USP37: variants seen among roughly 807,000 people sequenced by gnomAD.
USP37 encodes ubiquitin specific peptidase 37.
USP37 carries 27 observed loss-of-function variants against 124.0 expected under a neutral mutation model. That is an observed-to-expected ratio of 0.22 (90% CI 0.16 to 0.30). The LOEUF (loss-of-function observed/expected upper bound fraction) is 0.30. USP37 is among the 10% of genes least tolerant of loss of function. The pLI is 1.00. For synonymous variants in USP37, 365 were observed against 388.0 expected (o/e 0.94, Z 0.70); for missense variants, 889 against 1,140.4 (o/e 0.78, Z 3.17).
At position 218,556,503 on chromosome 2, in the gene USP37, G is replaced by GTTTTTTTTT. The variant is rs34907421; in HGVS notation, c.156+1986_156+1994dup. Among the ~76,000 whole-genome samples the GTTTTTTTTT allele has an allele frequency of 4.4e-3, 239 of 53,844 alleles. 17 individuals carry two copies. Among genetic ancestry groups the GTTTTTTTTT allele is most frequent in the Non-Finnish European group, 5.5e-3 (151 of 27,418 alleles). 35.3% of individuals were successfully genotyped at this position (53,844 alleles called of 152,430 possible). A position where few individuals can be genotyped will look rare whatever the true frequency, so the allele number is the denominator to read the frequency against. Reference sequence around the variant, plus strand: ...GTATTTGGTTACTCTGGGTTTTTCTGTTTTTTTTTTTTTTTTTTTTTTTTT... The same window carrying GTTTTTTTTT: ...GTATTTGGTTACTCTGGGTTTTTCTGTTTTTTTTTTTTTTTTTTTTTTTTTTTTTTTTTT... On this transcript the variant is annotated intron_variant, in intron 4 of 25. Transcript: ENST00000258399.
chr2:218,541,578 C>A (rs1025031195), intron 8 of USP37, among the ~76,000 whole-genome samples: 3 of 152,034 alleles, frequency 2.0e-5, no homozygotes, highest in Admixed American at 6.6e-5. Context: ...TCAAGATGAG[C>A]AGAAGTGTTA....
At chr2:218,463,787 G>A (rs376698967) in intron 21 of USP37, among the ~76,000 whole-genome samples, 6 of 150,276 alleles carry the variant, frequency 4.0e-5, no homozygotes, top group East Asian at 3.9e-4. Context: ...CGCCCACCTC[G>A]GCTTCCCAAA....
chr2:218,536,800 A>G (rs1389185079), intron 8 of USP37, among the ~76,000 whole-genome samples: 1 of 152,192 alleles, frequency 6.6e-6, no homozygotes, highest in Non-Finnish European at 1.5e-5. Context: ...CACTCTAAGG[A>G]TAGGATTCTG....
In USP37 at chr2:218,558,444, T is replaced by A. The variant is rs1408175876; in HGVS notation, c.156+54A>T. On this transcript the variant is annotated intron_variant, in intron 4 of 25. Transcript: ENST00000258399. ...GATGTTTACTATGGCACAGAATAGC[T>A]ATTTACTAAATGATCTGCTTCAAGA... 11 of 1,539,430 alleles carry A rather than the reference T, an allele frequency of 7.1e-6. No individual in the cohort carries two copies. In the African/African-American group the frequency reaches 1.5e-4, roughly 21 times the overall value.
chr2:218,548,754 AT>A (rs1430096003), intron 6 of USP37, among the ~76,000 whole-genome samples: 1 of 152,130 alleles, frequency 6.6e-6, no homozygotes, highest in Non-Finnish European at 1.5e-5. Flanking sequence ...ATTCTCTATT[AT>A]TTTCTATTCT....
intron 20 of USP37, among the ~76,000 whole-genome samples, chr2:218,472,468 C>CT (rs1030968759): frequency 2.0e-3 from 287 of 141,234 alleles, no homozygotes; most frequent in Middle Eastern, 7.4e-3. Flanking sequence ...ATCTCTCTCT[C>CT]TTTTTTTTTT....
At chr2:218,458,882 C>T (rs1310073339) in intron 23 of USP37, among the ~76,000 whole-genome samples, 6 of 152,038 alleles carry the variant, frequency 3.9e-5, no homozygotes, top group Non-Finnish European at 1.5e-5. Context: ...GCCTGGGCAA[C>T]ACAGTGAGAC....
chr2:218,472,221 G>A (rs370347940), intron 20 of USP37, among the ~76,000 whole-genome samples: 16 of 151,910 alleles, frequency 1.1e-4, no homozygotes, highest in Admixed American at 2.6e-4. Flanking sequence ...GTTTAATCAC[G>A]AACTTGGCAC....
At chr2:218,502,973 A>C (rs1175679916) in intron 11 of USP37, among the ~76,000 whole-genome samples, 1 of 152,232 alleles carries the variant, frequency 6.6e-6, no homozygotes, top group Non-Finnish European at 1.5e-5. Context: ...GAAATTATAC[A>C]AAAAAGAAGA....
chr2:218,547,057 T>G lies in USP37; in HGVS notation c.464A>C (p.Asp155Ala). ...AAGAACTTTTCGAAATGGAATATCA[T>G]CTTTAGTTTCCAAACTTCCTCTTTT... ...SAKRGSLETK[D>A]DIPFRKVLGN... is the part of the protein sequence containing the mutation. The change falls in exon 7 of 26, where the codon GAT becomes GCT. Residue 155 changes from aspartate (D) to alanine (A), a missense_variant. This residue lies in a region of USP37 where 374 missense variants were observed against 386.0 expected (regional missense o/e 0.97). Coordinates refer to ENST00000258399, the MANE Select transcript of USP37 (RefSeq NM_020935.3). 1.2e-6 allele frequency: 2 copies of G among 1,603,728 alleles called. No individual in the cohort carries two copies. Among genetic ancestry groups the G allele is most frequent in the Non-Finnish European group, 8.5e-7 (1 of 1,177,712 alleles).
Position 218,476,011 on chromosome 2 carries a change from C to T in USP37, c.2043+829G>A, listed in dbSNP as rs184040141. Among the ~76,000 whole-genome samples, 489 of 151,610 alleles carry T rather than the reference C, an allele frequency of 3.2e-3. 1 individual carries two copies. The highest frequency in any genetic ancestry group is 0.011 in the African/African-American group (471 of 41,390). On this transcript the variant is annotated intron_variant, in intron 19 of 25. Coordinates refer to ENST00000258399, the MANE Select transcript of USP37 (RefSeq NM_020935.3). ...TCACACATTTCTCATTCAAGTTGAA[C>T]AACCACAAACTACCTCTGGCTTTAA...
chr2:218,488,910 C>T (rs1442139205), intron 14 of USP37, among the ~76,000 whole-genome samples: 1 of 152,098 alleles, frequency 6.6e-6, no homozygotes, highest in Non-Finnish European at 1.5e-5. Flanking sequence ...ACTGGGATTA[C>T]AGGCGTGAGC....
In USP37 at chr2:218,485,650, A is replaced by T; in HGVS notation, c.1670+14T>A. On this transcript the variant is annotated intron_variant, in intron 16 of 25. Coordinates refer to ENST00000258399, the MANE Select transcript of USP37 (RefSeq NM_020935.3). ...TAGTCCATAGCAAAAAAAAAAAAAA[A>T]AAAAAAAAATTACCTAGGAAGCCTG... The T allele has an allele frequency of 1.3e-6, 2 of 1,569,746 alleles. No individual in the cohort carries two copies. The highest frequency in any genetic ancestry group is 2.4e-5 in the South Asian group (2 of 82,390).
rs576607644 is a variant in USP37 at position 218,530,112 on chromosome 2, T to C, written c.779-72A>G. ...ATTCAAGTTCATTTAATAATAAAAG[T>C]ATACATTAGTCCTGATTATATTTAA... On this transcript the variant is annotated intron_variant, in intron 9 of 25. Transcript: ENST00000258399. The C allele has an allele frequency of 2.5e-4, 279 of 1,136,702 alleles. 1 individual carries two copies. The highest frequency in any genetic ancestry group is 3.3e-4 in the Non-Finnish European group (258 of 783,790). The allele number at this position is 1,136,702 out of a possible 1,614,324, so 70.4% of individuals were successfully genotyped here.
chr2:218,525,403 G>A (rs562543634), intron 10 of USP37, among the ~76,000 whole-genome samples: 7 of 152,324 alleles, frequency 4.6e-5, no homozygotes, highest in Admixed American at 1.3e-4. Context: ...AGGATCACCT[G>A]AGCCCAGGAG....
intron 9 of USP37, among the ~76,000 whole-genome samples, chr2:218,533,128 T>C (rs954809181): frequency 2.0e-5 from 3 of 152,120 alleles, no homozygotes; most frequent in African/African-American, 7.2e-5. Flanking sequence ...CCGGTACACA[T>C]GTATGTTAAA....
intron 8 of USP37, among the ~76,000 whole-genome samples, chr2:218,535,889 C>A (rs1411050432): frequency 1.3e-5 from 2 of 150,622 alleles, no homozygotes; most frequent in Non-Finnish European, 3.0e-5. Flanking sequence ...TGGTGGCAGG[C>A]GTCTGTGATC....
intron 8 of USP37, among the ~76,000 whole-genome samples, chr2:218,544,406 A>AAAAAATATAT (rs1312705279): frequency 2.3e-4 from 19 of 82,954 alleles, no homozygotes; most frequent in African/African-American, 1.1e-3. Context: ...AAAAAAAAAA[A>AAAAAATATAT]ATATATATAT....
In USP37 at chr2:218,461,298, A is replaced by G. The variant is rs569064376; in HGVS notation, c.2528-1393T>C. Among the ~76,000 whole-genome samples, 58 of 152,012 alleles carry G rather than the reference A, an allele frequency of 3.8e-4. No individual in the cohort carries two copies. The South Asian group carries it at 8.7e-3, about 23-fold the overall frequency. On this transcript the variant is annotated intron_variant, in intron 22 of 25. Coordinates refer to ENST00000258399, the MANE Select transcript of USP37 (RefSeq NM_020935.3). The stretch of plus-strand genomic sequence containing the variant: ...CGAGGCAGGTGGATTACCTGAGGTC[A>G]GGAGCTGGAGACCAGCCTGACCAAC...
Sources: gnomAD v4.1 joint callset for allele counts (sites outside exome capture counted in the v4.1 genomes callset) on GRCh38, gnomAD v4.1.1 for gene constraint, gnomAD v4.1.1 regional missense constraint, MANE v1.5 for transcripts, NCBI Gene and HGNC (gene_info 2026-07-23, HGNC 2026-07-21) for gene names.